PTPRE: variants seen among roughly 807,000 people sequenced by gnomAD.
PTPRE encodes the protein receptor-type tyrosine-protein phosphatase epsilon.
A neutral mutation model predicts 102.0 loss-of-function variants in PTPRE; 51 were observed. That is an observed-to-expected ratio of 0.50 (90% CI 0.40 to 0.63). The LOEUF (loss-of-function observed/expected upper bound fraction) is 0.63, where lower values mean the gene tolerates loss of function less well. Ranked by LOEUF, PTPRE falls within the 30% of genes least tolerant of loss-of-function variation. PTPRE has a pLI of 0.00. For missense variants in PTPRE, 752 were observed against 915.1 expected (o/e 0.82, Z 2.30); for synonymous variants, 345 against 348.2 (o/e 0.99, Z 0.10).
chr10:127,935,315 CA>C lies in PTPRE; in HGVS notation c.-31+28010del, dbSNP rs553678134. Among the ~76,000 whole-genome samples the C allele has an allele frequency of 7.5e-4, 114 of 152,302 alleles. 2 individuals carry two copies. The South Asian group carries it at 0.022, about 29-fold the overall frequency. On this transcript the variant is annotated intron_variant, in intron 1 of 20. Transcript: ENST00000254667. The stretch of plus-strand genomic sequence containing the variant: ...CAGGAGTAAGCAGAGCTTTTGTGAC[CA>C]AAATCAACCCCGGGGCATCTCAGGC...
chr10:127,978,540 C>T (rs1214138622), intron 1 of PTPRE, among the ~76,000 whole-genome samples: 1 of 147,980 alleles, frequency 6.8e-6, no homozygotes, highest in African/African-American at 2.6e-5. Context: ...GACCCTCTCT[C>T]AGTTTAAGAA....
intron 1 of PTPRE, among the ~76,000 whole-genome samples, chr10:127,965,975 GC>G (rs769441486): frequency 1.2e-4 from 19 of 152,238 alleles, no homozygotes; most frequent in Admixed American, 3.9e-4. Context: ...GAATGCCTCT[GC>G]AAAGTTGCAG....
intron 1 of PTPRE, among the ~76,000 whole-genome samples, chr10:127,939,741 G>A (rs976514742): frequency 6.6e-5 from 10 of 152,120 alleles, no homozygotes; most frequent in African/African-American, 1.9e-4. Flanking sequence ...GAAGAGATAG[G>A]CTCTGGAAGG....
intron 1 of PTPRE, among the ~76,000 whole-genome samples, chr10:127,973,250 C>G (rs963105928): frequency 1.3e-5 from 2 of 152,138 alleles, no homozygotes; most frequent in South Asian, 2.1e-4. Context: ...CTCAGCAATG[C>G]GTATCAAGCC....
chr10:128,043,643 A>T (rs1242485627), intron 3 of PTPRE, among the ~76,000 whole-genome samples: 1 of 152,258 alleles, frequency 6.6e-6, no homozygotes, highest in African/African-American at 2.4e-5. Context: ...CTAACACAGA[A>T]GCTGTCCTAC....
chr10:127,991,726 C>T (rs534816349), intron 2 of PTPRE, among the ~76,000 whole-genome samples: 61 of 152,272 alleles, frequency 4.0e-4, no homozygotes, highest in African/African-American at 1.2e-3. Context: ...CTACAGTGTT[C>T]GCAGGGTCTC....
chr10:128,036,071 A>G (rs1381803439), intron 2 of PTPRE, among the ~76,000 whole-genome samples: 1 of 152,120 alleles, frequency 6.6e-6, no homozygotes, highest in Admixed American at 6.5e-5. Context: ...CCAAAAGAGG[A>G]GGCAGGGATG....
At chr10:128,071,292 GGGCCTGA>G (rs1275533765) in intron 15 of PTPRE, 8 of 239,496 alleles carry the variant, frequency 3.3e-5, no homozygotes, top group Non-Finnish European at 5.0e-5. Flanking sequence ...TTACACAGAG[GGGCCTGA>G]GCCACCCAGC....
At chr10:127,981,501 A>T (rs1345545238) in intron 1 of PTPRE, among the ~76,000 whole-genome samples, 2 of 152,144 alleles carry the variant, frequency 1.3e-5, no homozygotes, top group African/African-American at 2.4e-5. Flanking sequence ...TTTTTTTTTA[A>T]AAAATAAAAT....
chr10:128,034,054 A>G (rs572161064), intron 2 of PTPRE, among the ~76,000 whole-genome samples: 1 of 152,308 alleles, frequency 6.6e-6, no homozygotes, highest in East Asian at 1.9e-4. Context: ...CTAAACTGCA[A>G]ATTCCTGGTA....
chr10:128,033,607 T>G (rs150075128), intron 2 of PTPRE, among the ~76,000 whole-genome samples: 1 of 152,352 alleles, frequency 6.6e-6, no homozygotes, highest in East Asian at 1.9e-4. Context: ...AGTAAATGTA[T>G]TGTACTTGGA....
chr10:127,911,862 A>G (rs1393076305), intron 1 of PTPRE, among the ~76,000 whole-genome samples: 1 of 151,574 alleles, frequency 6.6e-6, no homozygotes, highest in Non-Finnish European at 1.5e-5. Context: ...TTAACTTCTC[A>G]TTATTTTGTC....
chr10:127,948,361 C>A (rs551945371), intron 1 of PTPRE, among the ~76,000 whole-genome samples: 3 of 152,282 alleles, frequency 2.0e-5, no homozygotes, highest in East Asian at 1.9e-4. Context: ...TCCTACACGT[C>A]ATCATCACCC....
chr10:127,965,091 T>G, intron 1 of PTPRE: 2 of 450,704 alleles, frequency 4.4e-6, no homozygotes, highest in South Asian at 3.2e-5. Flanking sequence ...TCAGTCCAAT[T>G]CCTTAATAAG....
intron 2 of PTPRE, among the ~76,000 whole-genome samples, chr10:128,012,085 C>A (rs1214829302): frequency 6.6e-6 from 1 of 152,148 alleles, no homozygotes; most frequent in African/African-American, 2.4e-5. Context: ...CCAGGTCCAC[C>A]TGTCTCCTGG....
chr10:127,976,397 T>C (rs1419566425), intron 1 of PTPRE, among the ~76,000 whole-genome samples: 1 of 152,190 alleles, frequency 6.6e-6, no homozygotes, highest in South Asian at 2.1e-4. Context: ...AATTTGCATG[T>C]TTCCTAATCC....
At chr10:127,956,899 C>G (rs530458052) in intron 1 of PTPRE, among the ~76,000 whole-genome samples, 1 of 151,830 alleles carries the variant, frequency 6.6e-6, no homozygotes, top group Non-Finnish European at 1.5e-5. Flanking sequence ...TGGTCTTTGC[C>G]TGTTTTTTTA....
intron 11 of PTPRE, among the ~76,000 whole-genome samples, chr10:128,067,631 T>A (rs1411936332): frequency 6.6e-6 from 1 of 152,226 alleles, no homozygotes; most frequent in Non-Finnish European, 1.5e-5. Context: ...ACTCATGGGC[T>A]CTGGGTCCAA....
chr10:127,969,898 G>T (rs567744937), intron 1 of PTPRE, among the ~76,000 whole-genome samples: 1 of 150,706 alleles, frequency 6.6e-6, no homozygotes, highest in Non-Finnish European at 1.5e-5. Flanking sequence ...TGCTCCTCAG[G>T]CTGCTGGCCA....
Sources: allele counts gnomAD v4.1 joint callset (sites outside exome capture counted in the v4.1 genomes callset), GRCh38; gene constraint gnomAD v4.1.1; transcripts MANE v1.5; gene names NCBI Gene and HGNC (gene_info 2026-07-23, HGNC 2026-07-21).